The following IQCM variants were observed in gnomAD, a reference collection of about 807,000 sequenced individuals.
IQCM encodes IQ motif containing M.
Under a neutral mutation model 57.6 loss-of-function variants are expected in IQCM, and 45 were observed. That is an observed-to-expected ratio of 0.78 (90% CI 0.62 to 1.00). The LOEUF (loss-of-function observed/expected upper bound fraction) is 1.00, where lower values mean the gene tolerates loss of function less well. IQCM is among the 50% of genes least tolerant of loss of function. The probability of loss-of-function intolerance (pLI) is 0.00; values close to 1 mark genes in which losing one functional copy is unlikely to be tolerated. For synonymous variants in IQCM, 148 were observed against 158.9 expected (o/e 0.93, Z 0.51); for missense variants, 468 against 511.6 (o/e 0.91, Z 0.82).
At chr4:149,787,310 G>A (rs1772164387) in intron 2 of IQCM, among the ~76,000 whole-genome samples, 1 of 150,704 alleles carries the variant, frequency 6.6e-6, no homozygotes, top group Admixed American at 6.6e-5. Context: ...AGAAATACAG[G>A]AATAAATAAA....
At chr4:149,550,512 GTACC>G (rs1192254499) in intron 11 of IQCM, among the ~76,000 whole-genome samples, 1 of 152,146 alleles carries the variant, frequency 6.6e-6, no homozygotes, top group African/African-American at 2.4e-5. Flanking sequence ...TAATATTGAT[GTACC>G]TATTAATATT....
At chr4:149,623,196 C>T (rs1057278706) in intron 7 of IQCM, among the ~76,000 whole-genome samples, 3 of 152,024 alleles carry the variant, frequency 2.0e-5, no homozygotes, top group Non-Finnish European at 4.4e-5. Flanking sequence ...AAATAAAATT[C>T]CTCTCTGATT....
chr4:149,700,403 A>AC (rs1012531323), intron 5 of IQCM, among the ~76,000 whole-genome samples: 26 of 150,742 alleles, frequency 1.7e-4, no homozygotes, highest in African/African-American at 3.2e-4. Flanking sequence ...CTATCAGGTC[A>AC]CCCCCCCACA....
intron 8 of IQCM, among the ~76,000 whole-genome samples, chr4:149,607,560 C>T (rs954561123): frequency 6.6e-6 from 1 of 151,706 alleles, no homozygotes; most frequent in Non-Finnish European, 1.5e-5. Flanking sequence ...ACAAATATAA[C>T]AAAAATAATA....
At chr4:149,543,594 AG>A (rs1748079556) in intron 12 of IQCM, among the ~76,000 whole-genome samples, 1 of 78,574 alleles carries the variant, frequency 1.3e-5, no homozygotes, top group East Asian at 4.3e-4. Context: ...GGGTGGGGGG[AG>A]GGGAGAGGGA....
rs548902680 is a variant in IQCM at position 149,553,668 on chromosome 4, C to G, written c.949-381G>C. On this transcript the variant is annotated intron_variant, in intron 10 of 13. Transcript: ENST00000636793. ...TTGTCTAAGCAGTCCACTCTGGGTG[C>G]TCAAATCTTTGTCTCTTATTTCCTT... 4.0e-4 allele frequency among the ~76,000 whole-genome samples: 61 copies of G among 152,306 alleles called. 2 individuals are homozygous for G. The highest frequency in any genetic ancestry group is 1.4e-3 in the African/African-American group (58 of 41,576).
chr4:149,498,461 AC>A (rs755320928), intron 12 of IQCM, among the ~76,000 whole-genome samples: 2 of 152,130 alleles, frequency 1.3e-5, no homozygotes, highest in East Asian at 3.9e-4. Flanking sequence ...CCAGGCTTCG[AC>A]TTCCTTGTAG....
intron 2 of IQCM, among the ~76,000 whole-genome samples, chr4:149,765,076 T>C (rs1241459604): frequency 1.3e-5 from 2 of 151,978 alleles, no homozygotes; most frequent in African/African-American, 4.8e-5. Context: ...CAAAATCACT[T>C]TAAACATAGA....
intron 12 of IQCM, among the ~76,000 whole-genome samples, chr4:149,481,705 T>TTTTTTTTTTTTTGTTTGTTTG (rs1740864452): frequency 7.5e-6 from 1 of 133,126 alleles, no homozygotes; most frequent in African/African-American, 2.8e-5. Context: ...AGTTTTGTTT[T>TTTTTTTTTTTTTGTTTGTTTG]TTTTTTTTTT....
At chr4:149,678,425 T>C (rs1289354984) in intron 7 of IQCM, among the ~76,000 whole-genome samples, 2 of 151,846 alleles carry the variant, frequency 1.3e-5, no homozygotes, top group Admixed American at 6.6e-5. Flanking sequence ...GAATACTGTA[T>C]TCAACAAACT....
intron 12 of IQCM, among the ~76,000 whole-genome samples, chr4:149,448,831 A>T (rs1056927316): frequency 2.6e-5 from 4 of 151,804 alleles, no homozygotes; most frequent in African/African-American, 9.7e-5. Context: ...TGTGTGGTTA[A>T]GCACCTTCCC....
At chr4:149,441,843 G>C (rs1735970537) in intron 12 of IQCM, among the ~76,000 whole-genome samples, 1 of 152,106 alleles carries the variant, frequency 6.6e-6, no homozygotes, top group Admixed American at 6.6e-5. Flanking sequence ...AGTATTGACA[G>C]GTGGGACTTT....
At chr4:149,748,330 A>G (rs1477181854) in intron 2 of IQCM, among the ~76,000 whole-genome samples, 1 of 152,204 alleles carries the variant, frequency 6.6e-6, no homozygotes, top group Non-Finnish European at 1.5e-5. Context: ...ATGGGCATGC[A>G]TGGACACTTA....
At chr4:149,728,196 T>A (rs925211618) in intron 5 of IQCM, among the ~76,000 whole-genome samples, 7 of 152,240 alleles carry the variant, frequency 4.6e-5, no homozygotes, top group African/African-American at 1.7e-4. Flanking sequence ...CCCCACACCT[T>A]GGGTCATTGA....
chr4:149,503,591 C>T (rs937277803), intron 12 of IQCM, among the ~76,000 whole-genome samples: 4 of 152,008 alleles, frequency 2.6e-5, no homozygotes, highest in African/African-American at 9.7e-5. Flanking sequence ...TATCTGAATG[C>T]TAAGATTCAG....
At chr4:149,770,908 G>A (rs1770512410) in intron 2 of IQCM, among the ~76,000 whole-genome samples, 1 of 151,976 alleles carries the variant, frequency 6.6e-6, no homozygotes, top group Admixed American at 6.6e-5. Flanking sequence ...CTCTTCTATA[G>A]TATTGTACAG....
intron 12 of IQCM, among the ~76,000 whole-genome samples, chr4:149,442,147 A>G (rs1192770633): frequency 6.6e-6 from 1 of 152,172 alleles, no homozygotes; most frequent in Non-Finnish European, 1.5e-5. Flanking sequence ...GAGACTTGTG[A>G]GTCACACATT....
Position 149,370,925 on chromosome 4 carries a change from TC to T in IQCM, c.1391-18860del, listed in dbSNP as rs1173296680. 4.1e-5 allele frequency among the ~76,000 whole-genome samples: 6 copies of T among 146,032 alleles called. No homozygotes were observed. In the Admixed American group the frequency reaches 4.1e-4, roughly 10 times the overall value. ...CAGATAGATAAATCTACCTGGTGTA[TC>T]TAAGATATAACCAGTACACAGCCCA... On this transcript the variant is annotated intron_variant, in intron 13 of 13. Coordinates refer to ENST00000636793, the MANE Select transcript of IQCM (RefSeq NM_001363507.2).
At chr4:149,506,612 G>A (rs974127360) in intron 12 of IQCM, among the ~76,000 whole-genome samples, 14 of 152,128 alleles carry the variant, frequency 9.2e-5, no homozygotes, top group Non-Finnish European at 1.5e-4. Flanking sequence ...TAGACTAAAC[G>A]TGTATCACTC....
Sources: gnomAD v4.1 joint callset for allele counts (sites outside exome capture counted in the v4.1 genomes callset) on GRCh38, gnomAD v4.1.1 for gene constraint, MANE v1.5 for transcripts, NCBI Gene and HGNC (gene_info 2026-07-23, HGNC 2026-07-21) for gene names.